The following CD58 variants were observed in gnomAD, a reference collection of about 807,000 sequenced individuals.
The protein encoded by CD58 is lymphocyte function-associated antigen 3.
Under a neutral mutation model 27.6 loss-of-function variants are expected in CD58, and 14 were observed. That is an observed-to-expected ratio of 0.51 (90% confidence interval 0.34 to 0.79). CD58 has a LOEUF of 0.79. Among genes scored for constraint, CD58 ranks in the 30% least tolerant of loss-of-function variants. The pLI is 0.02. For missense variants in CD58, 268 were observed against 301.7 expected (o/e 0.89, Z 0.83); for synonymous variants, 117 against 103.8 (o/e 1.13, Z -0.77).
rs1657373022 is a variant in CD58, at chr1:116,524,597, TA to T, written c.629-2615del. Among the ~76,000 whole-genome samples the T allele has an allele frequency of 6.6e-6, 1 of 152,230 alleles. No homozygotes were observed. The highest frequency in any genetic ancestry group is 2.4e-5 in the African/African-American group (1 of 41,466). On this transcript the variant is annotated intron_variant, in intron 3 of 5. Coordinates refer to ENST00000369489, the MANE Select transcript of CD58 (RefSeq NM_001779.3). This position sits in a 1 kb window ranked among gnomAD's most constrained non-coding sequence, Gnocchi z 4.6. ...CCAGGGCTACAATGTTTACTTAACC[TA>T]ATCAATTTACAGCTGAATCTCCTTT...
At chr1:116,554,136 T>G (rs890858210) in intron 1 of CD58, among the ~76,000 whole-genome samples, 1 of 152,222 alleles carries the variant, frequency 6.6e-6, no homozygotes, top group Admixed American at 6.5e-5. Context: ...TTATTCAGGA[T>G]GTTAACAAAT....
chr1:116,548,259 TTACTC>T (rs1293050404), intron 1 of CD58, among the ~76,000 whole-genome samples: 1 of 152,252 alleles, frequency 6.6e-6, no homozygotes, highest in Non-Finnish European at 1.5e-5. Context: ...GGTTGTGTGT[TTACTC>T]TGCTGATTGT....
In CD58 at chr1:116,522,096, C is replaced by T. The variant is rs919728666; in HGVS notation, c.629-113G>A. On this transcript the variant is annotated intron_variant, in intron 3 of 5. Coordinates refer to ENST00000369489, the MANE Select transcript of CD58 (RefSeq NM_001779.3). The surrounding 1 kb of genome is among the most constrained non-coding windows in gnomAD (Gnocchi z 4.6). ...TTATTTACTGAAATTTATTTGTAAT[C>T]CACAAATCAATACCCAAAGCAGTCA... 3.3e-6 allele frequency: 2 copies of T among 605,260 alleles called. No homozygotes were observed. Among genetic ancestry groups the T allele is most frequent in the South Asian group, 2.1e-5 (1 of 48,468 alleles). The allele number at this position is 605,260 out of a possible 1,614,324, so 37.5% of individuals were successfully genotyped here.
At chr1:116,542,475 T>C (rs1267304606) in intron 2 of CD58, among the ~76,000 whole-genome samples, 1 of 152,152 alleles carries the variant, frequency 6.6e-6, no homozygotes, top group African/African-American at 2.4e-5. Flanking sequence ...TGAAAGCCTA[T>C]TTGGAGTGGG....
At position 116,546,760 on chromosome 1, in the gene CD58, G is replaced by C. The variant is rs1658188251; in HGVS notation, c.71-2156C>G. ...GTGGAGGGAAGTGAGGGTAGAGAAA[G>C]GGGAGACTGCAGCTCAGAAGAAATC... On this transcript the variant is annotated intron_variant, in intron 1 of 5. Coordinates refer to ENST00000369489, the MANE Select transcript of CD58 (RefSeq NM_001779.3). This position sits in a 1 kb window ranked among gnomAD's most constrained non-coding sequence, Gnocchi z 4.1. Among the ~76,000 whole-genome samples the C allele has an allele frequency of 6.6e-6, 1 of 152,124 alleles. No homozygotes were observed. Among genetic ancestry groups the C allele is most frequent in the Non-Finnish European group, 1.5e-5 (1 of 68,006 alleles).
At chr1:116,530,311 T>C (rs1191349231) in intron 3 of CD58, among the ~76,000 whole-genome samples, 2 of 151,948 alleles carry the variant, frequency 1.3e-5, no homozygotes, top group African/African-American at 4.8e-5. Flanking sequence ...GTTCATGCCA[T>C]TCTCCTGCCT....
chr1:116,542,200 C>T (rs141030796), intron 2 of CD58, among the ~76,000 whole-genome samples: 200 of 152,310 alleles, frequency 1.3e-3, no homozygotes, highest in Non-Finnish European at 2.4e-3. Flanking sequence ...TTCACTTGAA[C>T]CCGGGAGGCA....
rs1400380328 is a variant in CD58 at position 116,565,506 on chromosome 1, T to C, written c.70+5397A>G. ...GTAATACTAACCAGCAGAGGGTAGC[T>C]GAATGAACTACCATATAGCCACCCT... is the stretch of plus-strand genomic sequence containing the variant. On this transcript the variant is annotated intron_variant, in intron 1 of 5. Coordinates refer to ENST00000369489, the MANE Select transcript of CD58 (RefSeq NM_001779.3). Among the ~76,000 whole-genome samples the C allele has an allele frequency of 2.0e-5, 3 of 152,078 alleles. No individual in the cohort carries two copies. In the East Asian group the frequency reaches 5.8e-4, roughly 29 times the overall value.
intron 1 of CD58, among the ~76,000 whole-genome samples, chr1:116,551,824 C>G (rs1490867449): frequency 6.7e-6 from 1 of 148,706 alleles, no homozygotes; most frequent in East Asian, 2.0e-4. Flanking sequence ...ACTGCAACAT[C>G]TGCCTTTCAG....
At chr1:116,564,036 T>C (rs1658853476) in intron 1 of CD58, among the ~76,000 whole-genome samples, 1 of 152,314 alleles carries the variant, frequency 6.6e-6, no homozygotes, top group Middle Eastern at 3.4e-3. Context: ...CCAAACCACA[T>C]CTTTGTGAAC....
rs1313754705 is a variant in CD58, at chr1:116,552,491, T to G, written c.71-7887A>C. ...AGCTGGGTTGTCACGAACCTTCAAT[T>G]TGTAAAAAGCACATTATCTGTGAAG... On this transcript the variant is annotated intron_variant, in intron 1 of 5. Coordinates refer to ENST00000369489, the MANE Select transcript of CD58 (RefSeq NM_001779.3). The surrounding 1 kb of genome is among the most constrained non-coding windows in gnomAD (Gnocchi z 4.5). Among the ~76,000 whole-genome samples, 2 of 152,178 alleles carry G rather than the reference T, an allele frequency of 1.3e-5. No individual in the cohort carries two copies. Among genetic ancestry groups the G allele is most frequent in the Non-Finnish European group, 2.9e-5 (2 of 68,028 alleles).
At chr1:116,514,998 T>C (rs1657029858) in intron 5 of CD58, among the ~76,000 whole-genome samples, 176 bp from the exon 6 acceptor site, 1 of 152,190 alleles carries the variant, frequency 6.6e-6, no homozygotes, top group Non-Finnish European at 1.5e-5. Context: ...GCTCTTGGGA[T>C]AGTAGTCTGA....
chr1:116,516,554 C>T lies in CD58; in HGVS notation c.744-1732G>A, dbSNP rs1436777172. On this transcript the variant is annotated intron_variant, in intron 5 of 5. Coordinates refer to ENST00000369489, the MANE Select transcript of CD58 (RefSeq NM_001779.3). The surrounding 1 kb of genome is among the most constrained non-coding windows in gnomAD (Gnocchi z 6.1). ...AGTGTCTTTTGCCTCTACTTCAACT[C>T]GATGCCAGGCAGGTCAATCTTACTA... Among the ~76,000 whole-genome samples, 3 of 152,298 alleles carry T rather than the reference C, an allele frequency of 2.0e-5. No homozygotes were observed. Among genetic ancestry groups the T allele is most frequent in the Middle Eastern group, 3.4e-3 (1 of 294 alleles).
rs1403945084 is a variant in CD58 at position 116,532,333 on chromosome 1, G to A, written c.628+3632C>T. Reference sequence around the variant, plus strand: ...AGGTGACCCGTGGCAGCTCTCGCCTGAGCTGGTGTGCCACAACCCTGACCC... The same window carrying A: ...AGGTGACCCGTGGCAGCTCTCGCCTAAGCTGGTGTGCCACAACCCTGACCC... On this transcript the variant is annotated intron_variant, in intron 3 of 5. Coordinates refer to ENST00000369489, the MANE Select transcript of CD58 (RefSeq NM_001779.3). The surrounding 1 kb of genome is among the most constrained non-coding windows in gnomAD (Gnocchi z 5.1). Among the ~76,000 whole-genome samples, 1 of 152,212 alleles carries A rather than the reference G, an allele frequency of 6.6e-6. No homozygotes were observed. The highest frequency in any genetic ancestry group is 2.4e-5 in the African/African-American group (1 of 41,440).
At chr1:116,526,533 AT>A (rs1206652292) in intron 3 of CD58, among the ~76,000 whole-genome samples, 1 of 152,070 alleles carries the variant, frequency 6.6e-6, no homozygotes, top group Non-Finnish European at 1.5e-5. Flanking sequence ...CTCTATTCCG[AT>A]TCACTGATCT....
At chr1:116,564,913 G>A (rs1658882273) in intron 1 of CD58, among the ~76,000 whole-genome samples, 2 of 152,164 alleles carry the variant, frequency 1.3e-5, no homozygotes, top group Non-Finnish European at 2.9e-5. Flanking sequence ...ACCACTCTCA[G>A]CCAAGTTCAT....
chr1:116,564,497 T>C (rs919505860), intron 1 of CD58, among the ~76,000 whole-genome samples: 6 of 152,140 alleles, frequency 3.9e-5, no homozygotes, highest in African/African-American at 1.4e-4. Flanking sequence ...CAAGACTGGG[T>C]AATTTATAAA....
In CD58 at chr1:116,528,572, G is replaced by T. The variant is rs1657497568; in HGVS notation, c.629-6589C>A. On this transcript the variant is annotated intron_variant, in intron 3 of 5. Coordinates refer to ENST00000369489, the MANE Select transcript of CD58 (RefSeq NM_001779.3). This position sits in a 1 kb window ranked among gnomAD's most constrained non-coding sequence, Gnocchi z 4.4. ...AACAGTTGGAAACTGGTACTCTAGA[G>T]AATATCCTCTTGCCTACCCCTTCAA... 6.6e-6 allele frequency among the ~76,000 whole-genome samples: 1 copy of T among 152,166 alleles called. No individual in the cohort carries two copies. The highest frequency in any genetic ancestry group is 2.4e-5 in the African/African-American group (1 of 41,456).
In CD58 at chr1:116,519,048, A is replaced by C; in HGVS notation, c.743+183T>G. 1 of 1,293,396 alleles carries C rather than the reference A, an allele frequency of 7.7e-7. No individual in the cohort carries two copies. Among genetic ancestry groups the C allele is most frequent in the Non-Finnish European group, 1.0e-6 (1 of 967,154 alleles). The allele number at this position is 1,293,396 out of a possible 1,614,324, so 80.1% of individuals were successfully genotyped here. On this transcript the variant is annotated intron_variant, in intron 5 of 5. Transcript: ENST00000369489. The surrounding 1 kb of genome is among the most constrained non-coding windows in gnomAD (Gnocchi z 4.7). ...AGGAAACGATATGCAGAGAGTGGCT[A>C]GTGCAGTGCATGGCACACAGTTGGT...
Sources: allele counts gnomAD v4.1 joint callset (sites outside exome capture counted in the v4.1 genomes callset), GRCh38; gene constraint gnomAD v4.1.1; non-coding constraint Gnocchi (gnomAD v3.1); transcripts MANE v1.5; gene names NCBI Gene and HGNC (gene_info 2026-07-23, HGNC 2026-07-21).